TRIM60: variants seen among roughly 807,000 people sequenced by gnomAD.
The protein encoded by TRIM60 is tripartite motif-containing protein 60.
For missense variants in TRIM60, 524 were observed against 540.8 expected (o/e 0.97, Z 0.31); for synonymous variants, 189 against 195.2 (o/e 0.97, Z 0.27).
Position 165,041,041 on chromosome 4 carries a change from A to G in TRIM60, c.969A>G (p.Lys323=). The G allele has an allele frequency of 6.2e-7, 1 of 1,614,056 alleles. No homozygotes were observed. ...DRKAVRYERK[K]RNICYDPRRF... ...AAGCTGTGCGATATGAAAGAAAAAA[A>G]CGAAACATTTGTTATGACCCAAGGA... The change falls in exon 3 of 3, where the codon AAA becomes AAG. Residue 323 remains lysine (K), a synonymous_variant. Transcript: ENST00000512596.
intron 1 of TRIM60, among the ~76,000 whole-genome samples, chr4:165,037,255 A>G (rs73005728): frequency 0.039 from 5,902 of 152,284 alleles, 377 homozygotes; most frequent in African/African-American, 0.13. Context: ...GTGATTTAGT[A>G]TCACACCAGT....
In TRIM60 at chr4:165,040,967, C is replaced by G; in HGVS notation, c.895C>G (p.Leu299Val). 1 of 1,614,032 alleles carries G rather than the reference C, an allele frequency of 6.2e-7. No homozygotes were observed. The highest frequency in any genetic ancestry group is 8.5e-7 in the Non-Finnish European group (1 of 1,179,928). The change falls in exon 3 of 3, where the codon CTA (leucine) becomes GTA (valine). Residue 299 changes from leucine to valine, a missense_variant. Coordinates refer to ENST00000512596, the MANE Select transcript of TRIM60 (RefSeq NM_152620.3). ...CAAGCCATTTCAAGTAGATGTGATT[C>G]TAGATCTCAACACAGCACATCCTCA... is the stretch of plus-strand genomic sequence containing the variant. ...IIKPFQVDVI[L>V]DLNTAHPQLL... is the part of the protein sequence containing the mutation.
At chr4:165,039,170 A>G (rs1451695986) in intron 1 of TRIM60, 31 bp from the exon 2 acceptor site, 1 of 152,072 alleles carries the variant, frequency 6.6e-6, no homozygotes, top group Non-Finnish European at 1.5e-5. Context: ...AAAGTTCTCT[A>G]TAGATGGTAA....
chr4:165,040,460 A>G lies in TRIM60; in HGVS notation c.388A>G (p.Ile130Val). 6.2e-7 allele frequency: 1 copy of G among 1,614,230 alleles called. No homozygotes were observed. ...CTCCACTAAACACCAGAAGCACTAC[A>G]TTTGCCCTATTAAGAAAGCTGCCTC... ...SFSTKHQKHY[I>V]CPIKKAASYH... Residue 130 changes from isoleucine to valine, a missense_variant, in exon 3 of 3, where the codon ATT (isoleucine) becomes GTT (valine). Coordinates refer to ENST00000512596, the MANE Select transcript of TRIM60 (RefSeq NM_152620.3).
intron 1 of TRIM60, among the ~76,000 whole-genome samples, chr4:165,038,486 C>A (rs1733673405): frequency 6.6e-6 from 1 of 151,642 alleles, no homozygotes; most frequent in South Asian, 2.1e-4. Context: ...ACCACCCTGG[C>A]CAACACAGAC....
At chr4:165,033,180 T>A (rs1420500904) in intron 1 of TRIM60, among the ~76,000 whole-genome samples, 2 of 152,062 alleles carry the variant, frequency 1.3e-5, no homozygotes, top group Non-Finnish European at 2.9e-5. Flanking sequence ...CAGAGTGAGA[T>A]CCTGTCTCAA....
At chr4:165,034,599 A>G (rs1354275445) in intron 1 of TRIM60, among the ~76,000 whole-genome samples, 1 of 152,230 alleles carries the variant, frequency 6.6e-6, no homozygotes, top group Non-Finnish European at 1.5e-5. Context: ...CATCCATTAA[A>G]CATGGTGTGT....
In TRIM60 at chr4:165,040,802, T is replaced by A. The variant is rs1488034388; in HGVS notation, c.730T>A (p.Ser244Thr). The A allele has an allele frequency of 5.0e-6, 8 of 1,614,066 alleles. No homozygotes were observed. The East Asian group carries it at 1.8e-4, about 36-fold the overall frequency. Reference sequence around the variant, plus strand: ...GGAGGTAGAGGGCAAGTCTGTGCAGTCAAACCTGGAATTACTGACACAAGC... The same window carrying A: ...GGAGGTAGAGGGCAAGTCTGTGCAGACAAACCTGGAATTACTGACACAAGC... ...LREVEGKSVQ[S>T]NLELLTQAKS... Residue 244 changes from serine (S) to threonine (T), a missense_variant, in exon 3 of 3, where the codon TCA becomes ACA. Physicochemically the swap from Ser to Thr is moderately conservative, Grantham distance 58. Transcript: ENST00000512596.
chr4:165,036,904 GA>G (rs201081021), intron 1 of TRIM60, among the ~76,000 whole-genome samples: 2 of 134,344 alleles, frequency 1.5e-5, no homozygotes, highest in Non-Finnish European at 3.0e-5. Flanking sequence ...AAAGAAAAAA[GA>G]AAAAAAAAGA....
chr4:165,040,171 C>T lies in TRIM60; in HGVS notation c.99C>T (p.His33=). The T allele has an allele frequency of 6.2e-7, 1 of 1,614,182 alleles. No homozygotes were observed. Among genetic ancestry groups the T allele is most frequent in the Non-Finnish European group, 8.5e-7 (1 of 1,180,026 alleles). Residue 33 remains histidine (H), a synonymous_variant, in exon 3 of 3, where the codon CAC becomes CAT. Transcript: ENST00000512596. ...LKDPVTINCG[H]NFCRSCLSVS... ...ACCCAGTGACCATCAACTGTGGGCACAACTTCTGTCGCTCCTGCCTCAGTG... is the reference window on the plus strand; with the variant it reads ...ACCCAGTGACCATCAACTGTGGGCATAACTTCTGTCGCTCCTGCCTCAGTG...
chr4:165,038,033 TG>T (rs1228131464), intron 1 of TRIM60, among the ~76,000 whole-genome samples: 1 of 152,118 alleles, frequency 6.6e-6, no homozygotes, highest in Non-Finnish European at 1.5e-5. Context: ...TTGAGTTCTA[TG>T]AAAGTAAAGA....
chr4:165,037,317 C>G (rs753357884), intron 1 of TRIM60, among the ~76,000 whole-genome samples: 27 of 148,688 alleles, frequency 1.8e-4, no homozygotes, highest in Non-Finnish European at 7.4e-5. Flanking sequence ...AATCATTATA[C>G]TTTTTTTGTT....
intron 1 of TRIM60, among the ~76,000 whole-genome samples, chr4:165,034,112 A>G (rs1733565822): frequency 6.6e-6 from 1 of 151,652 alleles, no homozygotes; most frequent in African/African-American, 2.4e-5. Context: ...TCCAGGATCT[A>G]TGCAGGAATG....
At position 165,040,255 on chromosome 4, in the gene TRIM60, A is replaced by G; in HGVS notation, c.183A>G (p.Pro61=). Residue 61 remains proline, a synonymous_variant, in exon 3 of 3, where the codon CCA becomes CCG. Coordinates refer to ENST00000512596, the MANE Select transcript of TRIM60 (RefSeq NM_152620.3). Reference sequence around the variant, plus strand: ...GTCCTGTCTGCCGTTTTTGCTTTCCATACAAGAGCTTCAGGAGGAACCCCC... The same window carrying G: ...GTCCTGTCTGCCGTTTTTGCTTTCCGTACAAGAGCTTCAGGAGGAACCCCC... ...FPCPVCRFCF[P]YKSFRRNPQL... The G allele has an allele frequency of 1.9e-6, 3 of 1,614,154 alleles. No individual in the cohort carries two copies. Among genetic ancestry groups the G allele is most frequent in the Non-Finnish European group, 2.5e-6 (3 of 1,180,038 alleles).
Position 165,041,120 on chromosome 4 carries a change from C to T in TRIM60, c.1048C>T (p.His350Tyr). ...LGSQRFSSGR[H>Y]YWEVEVGNKP... Reference sequence around the variant, plus strand: ...CTCTCAGAGATTTAGTTCTGGCCGACATTACTGGGAAGTAGAAGTGGGAAA... The same window carrying T: ...CTCTCAGAGATTTAGTTCTGGCCGATATTACTGGGAAGTAGAAGTGGGAAA... Residue 350 changes from histidine (H) to tyrosine (Y), a missense_variant, in exon 3 of 3, where the codon CAT (histidine) becomes TAT (tyrosine). Transcript: ENST00000512596. 1 of 1,614,166 alleles carries T rather than the reference C, an allele frequency of 6.2e-7. No homozygotes were observed. Among genetic ancestry groups the T allele is most frequent in the Non-Finnish European group, 8.5e-7 (1 of 1,180,016 alleles).
intron 1 of TRIM60, among the ~76,000 whole-genome samples, chr4:165,037,473 G>T (rs920532436): frequency 1.3e-5 from 2 of 151,704 alleles, no homozygotes; most frequent in Non-Finnish European, 2.9e-5. Context: ...ACAGGCATGT[G>T]CCACCATGCC....
intron 1 of TRIM60, among the ~76,000 whole-genome samples, chr4:165,036,440 TA>T (rs1218729056): frequency 6.6e-6 from 1 of 152,224 alleles, no homozygotes; most frequent in Admixed American, 6.5e-5. Context: ...TAAAAAATCT[TA>T]ATTTCCCCCT....
chr4:165,040,843 C>T lies in TRIM60; in HGVS notation c.771C>T (p.His257=). The T allele has an allele frequency of 6.2e-7, 1 of 1,613,866 alleles. No individual in the cohort carries two copies. The highest frequency in any genetic ancestry group is 8.5e-7 in the Non-Finnish European group (1 of 1,179,956). ...ELLTQAKSMH[H]KYQNLKCPEL... is the part of the protein sequence containing the mutation. Reference sequence around the variant, plus strand: ...TGACACAAGCTAAGAGTATGCACCACAAGTATCAAAACCTAAAATGCCCTG... The same window carrying T: ...TGACACAAGCTAAGAGTATGCACCATAAGTATCAAAACCTAAAATGCCCTG... The change falls in exon 3 of 3, where the codon CAC becomes CAT. Residue 257 remains histidine, a synonymous_variant. Coordinates refer to ENST00000512596, the MANE Select transcript of TRIM60 (RefSeq NM_152620.3).
intron 1 of TRIM60, among the ~76,000 whole-genome samples, chr4:165,036,231 T>TA (rs1733619293): frequency 1.4e-5 from 2 of 144,922 alleles, no homozygotes; most frequent in African/African-American, 2.9e-5. Context: ...GTAACATCCT[T>TA]ACATTTTTTT....
Sources: allele counts gnomAD v4.1 joint callset (sites outside exome capture counted in the v4.1 genomes callset), GRCh38; gene constraint gnomAD v4.1.1; transcripts MANE v1.5; gene names NCBI Gene and HGNC (gene_info 2026-07-23, HGNC 2026-07-21).